DNAJB14: variants seen among roughly 807,000 people sequenced by gnomAD.
The protein encoded by DNAJB14 is dnaJ homolog subfamily B member 14.
DNAJB14 carries 22 observed loss-of-function variants against 48.4 expected under a neutral mutation model. The observed-to-expected ratio is 0.45, with a 90% CI of 0.32 to 0.65. DNAJB14 has a LOEUF of 0.65. Ranked by LOEUF, DNAJB14 falls within the 30% of genes least tolerant of loss-of-function variation. The probability of loss-of-function intolerance (pLI) is 0.03; values close to 1 mark genes in which losing one functional copy is unlikely to be tolerated. For synonymous variants in DNAJB14, 142 were observed against 158.7 expected (o/e 0.89, Z 0.79); for missense variants, 319 against 458.8 (o/e 0.70, Z 2.78).
At chr4:99,909,909 C>T (rs1725601128) in intron 3 of DNAJB14, among the ~76,000 whole-genome samples, 1 of 151,982 alleles carries the variant, frequency 6.6e-6, no homozygotes, top group African/African-American at 2.4e-5. Flanking sequence ...TAAGAACTAT[C>T]CTATTCGTAC....
chr4:99,941,097 G>A (rs947049237), intron 1 of DNAJB14, among the ~76,000 whole-genome samples: 1 of 151,960 alleles, frequency 6.6e-6, no homozygotes, highest in Non-Finnish European at 1.5e-5. Context: ...TAAATAAACA[G>A]CTATCATTCC....
At chr4:99,944,477 C>A (rs1282100295) in intron 1 of DNAJB14, among the ~76,000 whole-genome samples, 1 of 152,016 alleles carries the variant, frequency 6.6e-6, no homozygotes, top group African/African-American at 2.4e-5. Flanking sequence ...TGAAAGGAAC[C>A]CAAATGTCCA....
chr4:99,904,889 T>C (rs1725412529), intron 6 of DNAJB14, among the ~76,000 whole-genome samples: 1 of 152,048 alleles, frequency 6.6e-6, no homozygotes, highest in Non-Finnish European at 1.5e-5. Context: ...ATATACTGTG[T>C]TTTTATAAAG....
chr4:99,922,713 T>A (rs747997787), intron 3 of DNAJB14: 1 of 172,854 alleles, frequency 5.8e-6, no homozygotes, highest in African/African-American at 2.4e-5. Flanking sequence ...TGCTTTTAGT[T>A]CATTTAGAAC....
intron 1 of DNAJB14, chr4:99,942,486 T>G (rs1429475767): frequency 2.6e-5 from 4 of 152,112 alleles, no homozygotes; most frequent in Non-Finnish European, 4.4e-5. Context: ...TTCTGCTTAC[T>G]GACATTTTTT....
intron 1 of DNAJB14, among the ~76,000 whole-genome samples, chr4:99,936,496 C>T (rs1256471069): frequency 6.6e-6 from 1 of 152,066 alleles, no homozygotes; most frequent in African/African-American, 2.4e-5. Flanking sequence ...ACATTTATTT[C>T]CTGGCTCTGT....
chr4:99,923,932 T>C (rs1726154213), intron 2 of DNAJB14: 2 of 939,830 alleles, frequency 2.1e-6, no homozygotes, highest in African/African-American at 1.8e-5. Flanking sequence ...AAAAATGTTA[T>C]CCCTGATTTT....
At chr4:99,940,041 A>G (rs1441787561) in intron 1 of DNAJB14, among the ~76,000 whole-genome samples, 2 of 152,212 alleles carry the variant, frequency 1.3e-5, no homozygotes, top group African/African-American at 4.8e-5. Context: ...ATCTGCATGT[A>G]ATTTAGTATA....
At chr4:99,906,697 A>T (rs1480846176) in intron 4 of DNAJB14, 86 bp from the exon 5 acceptor site, 13 of 1,124,436 alleles carry the variant, frequency 1.2e-5, no homozygotes, top group Admixed American at 2.1e-5. Context: ...CTTTAATTTT[A>T]AAAAATTACT....
At chr4:99,909,393 A>G (rs1023847212) in intron 3 of DNAJB14, among the ~76,000 whole-genome samples, 1 of 152,062 alleles carries the variant, frequency 6.6e-6, no homozygotes, top group Non-Finnish European at 1.5e-5. Context: ...TATGCAGCCC[A>G]TACCAAAAAT....
intron 6 of DNAJB14, 34 bp downstream of exon 6, chr4:99,905,563 T>G: frequency 6.5e-7 from 1 of 1,539,498 alleles, no homozygotes; most frequent in Non-Finnish European, 8.9e-7. Context: ...ATAGCAACAA[T>G]TCATTTTTTG....
At position 99,934,716 on chromosome 4, in the gene DNAJB14, C is replaced by T. The variant is rs553223235; in HGVS notation, c.134-4095G>A. On this transcript the variant is annotated intron_variant, in intron 1 of 7. Transcript: ENST00000442697. ...GCTGAGGTGGGAGAATTGCTTGAAC[C>T]TGGAGGTGGAGGTTGCAATGAGCTG... 3.6e-5 allele frequency among the ~76,000 whole-genome samples: 5 copies of T among 137,040 alleles called. 1 individual carries two copies. Among genetic ancestry groups the T allele is most frequent in the African/African-American group, 1.4e-4 (5 of 36,856 alleles). The allele number at this position is 137,040 out of a possible 152,430, so 89.9% of individuals were successfully genotyped here.
intron 3 of DNAJB14, 139 bp downstream of exon 3, chr4:99,922,901 G>A: frequency 9.9e-7 from 1 of 1,008,556 alleles, no homozygotes; most frequent in Non-Finnish European, 1.4e-6. Context: ...TAATACTGAA[G>A]TTTTAAAGGA....
chr4:99,939,950 C>G (rs1172851618), intron 1 of DNAJB14, among the ~76,000 whole-genome samples: 2 of 152,208 alleles, frequency 1.3e-5, no homozygotes, highest in Admixed American at 6.5e-5. Context: ...AGAGAACATT[C>G]ACTTTTATGA....
intron 3 of DNAJB14, among the ~76,000 whole-genome samples, chr4:99,921,286 T>C (rs1437778875): frequency 6.6e-6 from 1 of 152,204 alleles, no homozygotes; most frequent in African/African-American, 2.4e-5. Flanking sequence ...CTTCCCGGCA[T>C]GTTGGTAAGT....
chr4:99,917,184 T>G (rs569017602), intron 3 of DNAJB14, among the ~76,000 whole-genome samples: 4 of 152,280 alleles, frequency 2.6e-5, no homozygotes, highest in Non-Finnish European at 5.9e-5. Flanking sequence ...TTTACATACA[T>G]CTAAAACCTT....
chr4:99,940,758 C>A (rs1050595142), intron 1 of DNAJB14, among the ~76,000 whole-genome samples: 1 of 151,358 alleles, frequency 6.6e-6, no homozygotes, highest in Non-Finnish European at 1.5e-5. Flanking sequence ...AATAATCTAC[C>A]TGTTTTTAGC....
intron 2 of DNAJB14, chr4:99,929,583 T>C (rs996234048): frequency 2.0e-5 from 3 of 152,006 alleles, no homozygotes; most frequent in Non-Finnish European, 4.4e-5. Flanking sequence ...AATTACAAAT[T>C]ATGGTAAATA....
intron 1 of DNAJB14, among the ~76,000 whole-genome samples, chr4:99,934,548 C>T (rs1444993220): frequency 6.6e-6 from 1 of 151,894 alleles, no homozygotes; most frequent in African/African-American, 2.4e-5. Context: ...AATCCCAGCA[C>T]TTTGGGAGGC....
Sources: allele counts gnomAD v4.1 joint callset (sites outside exome capture counted in the v4.1 genomes callset), GRCh38; gene constraint gnomAD v4.1.1; transcripts MANE v1.5; gene names NCBI Gene and HGNC (gene_info 2026-07-23, HGNC 2026-07-21).